The following NDP variants were observed in gnomAD, a reference collection of about 807,000 sequenced individuals.
The protein encoded by NDP is norrin cystine knot growth factor NDP.
Under a neutral mutation model 8.4 loss-of-function variants are expected in NDP, and 2 were observed. The ratio of observed to expected loss-of-function variants is 0.24; its 90% CI spans 0.10 to 0.75. The LOEUF is 0.75. NDP is among the 30% of genes least tolerant of loss of function. NDP has a pLI of 0.73. For synonymous variants in NDP, 55 were observed against 45.6 expected, an observed-to-expected ratio of 1.21 and a Z score of -0.83; for missense variants, 81 against 110.1, an observed-to-expected ratio of 0.74 and a Z score of 1.18.
chrX:43,963,840 G>A (rs934765343), intron 1 of NDP, among the ~76,000 whole-genome samples: 7 of 112,617 alleles, frequency 6.2e-5, no homozygotes, highest in South Asian at 7.4e-4. Flanking sequence ...CATCCTGTGC[G>A]TTCAATGAAT....
chrX:43,960,777 G>A (rs2035821958), intron 1 of NDP: 1 of 112,088 alleles, frequency 8.9e-6, no homozygotes, highest in Non-Finnish European at 1.9e-5. Flanking sequence ...CACTGCTTCG[G>A]TCTACAGATA....
At chrX:43,951,879 T>C (rs1360949643) in intron 2 of NDP, among the ~76,000 whole-genome samples, 2 of 112,337 alleles carry the variant, frequency 1.8e-5, no homozygotes, top group Non-Finnish European at 3.8e-5. Flanking sequence ...AGAGAGAAAA[T>C]AGCAGCTGTA....
intron 1 of NDP, among the ~76,000 whole-genome samples, chrX:43,962,023 A>G (rs1407597158): frequency 8.9e-6 from 1 of 112,322 alleles, no homozygotes; most frequent in Non-Finnish European, 1.9e-5. Flanking sequence ...CTTTCTCTTT[A>G]GAGATGGTGA....
At chrX:43,967,006 T>G (rs866105696) in intron 1 of NDP, among the ~76,000 whole-genome samples, 2 of 111,621 alleles carry the variant, frequency 1.8e-5, no homozygotes, top group Non-Finnish European at 3.8e-5. Flanking sequence ...CAATCCGGAA[T>G]GCTCCTAGAC....
At chrX:43,955,662 G>C (rs1295297941) in intron 2 of NDP, among the ~76,000 whole-genome samples, 1 of 112,286 alleles carries the variant, frequency 8.9e-6, no homozygotes, top group Admixed American at 9.4e-5. Context: ...CCAAACCCAG[G>C]AGGTGCCACC....
chrX:43,967,002 G>A (rs752873312), intron 1 of NDP, among the ~76,000 whole-genome samples: 73 of 111,387 alleles, frequency 6.6e-4, no homozygotes, highest in African/African-American at 2.3e-3. Context: ...GTTGCAATCC[G>A]GAATGCTCCT....
At chrX:43,953,852 C>T (rs1487291231) in intron 2 of NDP, among the ~76,000 whole-genome samples, 2 of 112,742 alleles carry the variant, frequency 1.8e-5, no homozygotes, top group African/African-American at 6.4e-5. Flanking sequence ...TCACAGACTT[C>T]CTTATCTACA....
At chrX:43,968,099 C>T (rs61316556) in intron 1 of NDP, among the ~76,000 whole-genome samples, 4,756 of 111,523 alleles carry the variant, frequency 0.043, 246 homozygotes, top group African/African-American at 0.15. Flanking sequence ...GGGGATATGT[C>T]GCCAACGGAA....
intron 2 of NDP, among the ~76,000 whole-genome samples, chrX:43,957,560 G>A (rs1246418552): frequency 9.0e-6 from 1 of 110,522 alleles, no homozygotes; most frequent in Non-Finnish European, 1.9e-5. Flanking sequence ...GTTTTTGAAT[G>A]GAGAGTGGAG....
At chrX:43,950,288 C>T (rs1216764215) in intron 2 of NDP, among the ~76,000 whole-genome samples, 1 of 109,828 alleles carries the variant, frequency 9.1e-6, no homozygotes, top group Non-Finnish European at 1.9e-5. Context: ...GGGTTTAGAA[C>T]CACTGAATGA....
intron 1 of NDP, among the ~76,000 whole-genome samples, chrX:43,961,997 T>C (rs1283997222): frequency 8.9e-6 from 1 of 112,045 alleles, no homozygotes; most frequent in East Asian, 2.8e-4. Context: ...ACATACAATG[T>C]AACTTGATCA....
intron 1 of NDP, among the ~76,000 whole-genome samples, chrX:43,971,704 A>G (rs2035892097): frequency 8.9e-6 from 1 of 112,324 alleles, no homozygotes; most frequent in Non-Finnish European, 1.9e-5. Context: ...AAAAAAAATT[A>G]CAATAAAATT....
At chrX:43,961,953 TGACATTTACACAGATAAA>T (rs1431383019) in intron 1 of NDP, among the ~76,000 whole-genome samples, 1 of 111,801 alleles carries the variant, frequency 8.9e-6, no homozygotes. Context: ...GCAGATATTA[TGACATTTACACAGATAAA>T]GAGATAGTTA....
At chrX:43,956,937 G>A (rs752238549) in intron 2 of NDP, among the ~76,000 whole-genome samples, 39 of 111,752 alleles carry the variant, frequency 3.5e-4, no homozygotes, top group Non-Finnish European at 5.6e-4. Flanking sequence ...TGTGATTGTT[G>A]CCAAAGTACT....
intron 1 of NDP, among the ~76,000 whole-genome samples, chrX:43,964,512 C>CT (rs1000678307): frequency 7.3e-5 from 8 of 109,715 alleles, no homozygotes; most frequent in East Asian, 2.9e-4. Context: ...AAAATCCTGA[C>CT]TTTTTTTTTC....
At chrX:43,951,110 T>C (rs2035758736) in intron 2 of NDP, among the ~76,000 whole-genome samples, 1 of 110,031 alleles carries the variant, frequency 9.1e-6, no homozygotes, top group Admixed American at 9.8e-5. Context: ...TCATGTTAAG[T>C]GATGGAGAAA....
At chrX:43,957,302 G>T (rs2035799742) in intron 2 of NDP, among the ~76,000 whole-genome samples, 1 of 104,475 alleles carries the variant, frequency 9.6e-6, no homozygotes, top group South Asian at 4.3e-4. Flanking sequence ...AAGGAATTGT[G>T]GCCCTGCAAA....
chrX:43,966,468 G>C (rs954557813), intron 1 of NDP: 1 of 111,780 alleles, frequency 8.9e-6, no homozygotes, highest in Non-Finnish European at 1.9e-5. Context: ...TCCCAGGAAG[G>C]GGATTTTTTA....
At position 43,955,652 on chromosome X, in the gene NDP, C is replaced by A. The variant is rs780766086; in HGVS notation, c.174+2820G>T. Reference sequence around the variant, plus strand: ...CTGCTACTCCCAGGATCTTTTGTACCCAAACCCAGGAGGTGCCACCACTTA... The same window carrying A: ...CTGCTACTCCCAGGATCTTTTGTACACAAACCCAGGAGGTGCCACCACTTA... On this transcript the variant is annotated intron_variant, in intron 2 of 2. Coordinates refer to ENST00000642620, the MANE Select transcript of NDP (RefSeq NM_000266.4). 4.0e-3 allele frequency among the ~76,000 whole-genome samples: 445 copies of A among 112,297 alleles called. 1 individual carries two copies. Among genetic ancestry groups the A allele is most frequent in the South Asian group, 0.017 (46 of 2,686 alleles).
Sources: allele counts gnomAD v4.1 joint callset (sites outside exome capture counted in the v4.1 genomes callset), GRCh38; gene constraint gnomAD v4.1.1; transcripts MANE v1.5; gene names NCBI Gene and HGNC (gene_info 2026-07-23, HGNC 2026-07-21).